The following NAPEPLD variants were observed in gnomAD, a reference collection of about 807,000 sequenced individuals.
NAPEPLD encodes the protein N-acyl phosphatidylethanolamine phospholipase D.
Under a neutral mutation model 38.1 loss-of-function variants are expected in NAPEPLD, and 23 were observed. That is an observed-to-expected ratio of 0.60 (90% CI 0.43 to 0.86). The LOEUF is 0.86. Among genes scored for constraint, NAPEPLD ranks in the 40% least tolerant of loss-of-function variants. The pLI, the probability that NAPEPLD is intolerant of heterozygous loss-of-function variation, is 0.00. For missense variants in NAPEPLD, 411 were observed against 476.8 expected (o/e 0.86, Z 1.28); for synonymous variants, 147 against 162.0 (o/e 0.91, Z 0.71).
At chr7:103,109,268 C>A (rs543166229) in intron 4 of NAPEPLD, among the ~76,000 whole-genome samples, 2 of 152,272 alleles carry the variant, frequency 1.3e-5, no homozygotes, top group East Asian at 1.9e-4. Context: ...CTCTCCACCC[C>A]CAAATCAACA....
intron 1 of NAPEPLD, chr7:103,129,200 G>T (rs1808439438): frequency 1.9e-6 from 1 of 532,500 alleles, no homozygotes; most frequent in African/African-American, 2.0e-5. Context: ...TGGAGGTGGA[G>T]GTTGTGGTGA....
rs926769912 is a variant in NAPEPLD, at chr7:103,115,157, T to C, written c.959A>G (p.Gln320Arg). ...TACAGCTTCTTCTGGGTCTACATGC[T>C]GGTATTTCATAAACCACCTGAAGAA... ...AYEPRWFMKY[Q>R]HVDPEEAVRI... Residue 320 changes from glutamine (Q) to arginine (R), a missense_variant, in exon 4 of 5, where the codon CAG (glutamine) becomes CGG (arginine). Transcript: ENST00000465647. The C allele has an allele frequency of 2.5e-6, 4 of 1,613,156 alleles. No individual in the cohort carries two copies. In the Admixed American group the frequency reaches 5.0e-5, roughly 20 times the overall value.
intron 2 of NAPEPLD, among the ~76,000 whole-genome samples, chr7:103,122,022 G>A (rs1205920101): frequency 1.3e-5 from 2 of 151,926 alleles, no homozygotes; most frequent in Non-Finnish European, 2.9e-5. Context: ...TGAGGGCAGG[G>A]GACAAACTAA....
intron 1 of NAPEPLD, among the ~76,000 whole-genome samples, chr7:103,140,692 G>A (rs1002951411): frequency 3.9e-5 from 6 of 152,010 alleles, no homozygotes; most frequent in South Asian, 2.1e-4. Context: ...ATTCCTACCC[G>A]ACCTCATAGT....
At chr7:103,112,323 G>GT (rs1804690410) in intron 4 of NAPEPLD, among the ~76,000 whole-genome samples, 1 of 152,096 alleles carries the variant, frequency 6.6e-6, no homozygotes, top group African/African-American at 2.4e-5. Flanking sequence ...TTGAGGCACT[G>GT]TTCACAATAG....
At position 103,103,539 on chromosome 7, in the gene NAPEPLD, G is replaced by A. The variant is rs1486448432; in HGVS notation, c.1072C>T (p.Pro358Ser). 6 of 1,586,176 alleles carry A rather than the reference G, an allele frequency of 3.8e-6. No homozygotes were observed. The South Asian group carries it at 5.9e-5, about 16-fold the overall frequency. The change falls in exon 5 of 5, where the codon CCA becomes TCA. Residue 358 changes from proline to serine, a missense_variant. Transcript: ENST00000465647. ...ALANEHYLEPPVKLNEALERY... is the reference protein window; with the variant it reads ...ALANEHYLEPSVKLNEALERY... ...TCTAGAGCTTCATTCAGCTTCACTG[G>A]AGGCTCTAAGTAATGCTGGCCAAAG...
upstream of NAPEPLD, chr7:103,149,221 C>CCGGGCCG: frequency 1.0e-6 from 1 of 997,740 alleles, no homozygotes; most frequent in Non-Finnish European, 1.2e-6. Context: ...ACTCGGGATC[C>CCGGGCCG]CGGGCCGCGG....
chr7:103,141,587 C>A (rs1231797374), intron 1 of NAPEPLD: 10 of 994,872 alleles, frequency 1.0e-5, no homozygotes, highest in Non-Finnish European at 1.6e-5. Context: ...GTGATACATG[C>A]GGCGATCAAT....
rs1813176402 is a variant in NAPEPLD, at chr7:103,148,998, T to G, written c.-204A>C. 1 of 984,796 alleles carries G rather than the reference T, an allele frequency of 1.0e-6. No individual in the cohort carries two copies. Among genetic ancestry groups the G allele is most frequent in the African/African-American group, 1.8e-5 (1 of 57,022 alleles). The allele number at this position is 984,796 out of a possible 1,614,324, so 61.0% of individuals were successfully genotyped here. ...CAAATGAAGCCCTGTCGCTCACAAGTGCGGCATCTCCGAGATGAGGGAGGG... is the reference window on the plus strand; with the variant it reads ...CAAATGAAGCCCTGTCGCTCACAAGGGCGGCATCTCCGAGATGAGGGAGGG... On this transcript the variant is annotated 5_prime_UTR_variant, in exon 1 of 5. Coordinates refer to ENST00000465647, the MANE Select transcript of NAPEPLD (RefSeq NM_001122838.3).
intron 1 of NAPEPLD, among the ~76,000 whole-genome samples, chr7:103,147,042 G>T (rs1197964672): frequency 4.6e-5 from 7 of 152,144 alleles, no homozygotes; most frequent in Non-Finnish European, 1.0e-4. Context: ...ACATAAAACT[G>T]CCCCTGGGGA....
At chr7:103,113,119 C>A (rs1563349084) in intron 4 of NAPEPLD, among the ~76,000 whole-genome samples, 2 of 152,200 alleles carry the variant, frequency 1.3e-5, no homozygotes, top group African/African-American at 4.8e-5. Context: ...ACCATTACTT[C>A]ATCTAAGTCC....
chr7:103,148,401 G>A (rs768717773), intron 1 of NAPEPLD, among the ~76,000 whole-genome samples: 4 of 149,796 alleles, frequency 2.7e-5, no homozygotes, highest in Non-Finnish European at 4.4e-5. Context: ...TATAATGAAT[G>A]CATGTGATCC....
chr7:103,114,517 G>A (rs1041323590), intron 4 of NAPEPLD, among the ~76,000 whole-genome samples: 3 of 152,026 alleles, frequency 2.0e-5, no homozygotes, highest in African/African-American at 7.3e-5. Context: ...AGCTGCCTCC[G>A]AGCCTATGCT....
At chr7:103,133,751 T>C (rs11974839) in intron 1 of NAPEPLD, among the ~76,000 whole-genome samples, 1,691 of 152,328 alleles carry the variant, frequency 0.011, 36 homozygotes, top group African/African-American at 0.039. Flanking sequence ...TATGTAACTG[T>C]TTCCAAAATT....
chr7:103,142,973 CA>C (rs1299444505), intron 1 of NAPEPLD, among the ~76,000 whole-genome samples: 2 of 152,008 alleles, frequency 1.3e-5, no homozygotes, highest in African/African-American at 4.8e-5. Context: ...CCTGTAATCC[CA>C]ACACGTTGGG....
At chr7:103,110,441 A>G (rs1473952648) in intron 4 of NAPEPLD, among the ~76,000 whole-genome samples, 1 of 152,200 alleles carries the variant, frequency 6.6e-6, no homozygotes, top group East Asian at 1.9e-4. Flanking sequence ...TACGCAACTC[A>G]ATAAATGTAA....
At chr7:103,125,472 T>C (rs1807562516) in intron 2 of NAPEPLD, among the ~76,000 whole-genome samples, 2 of 152,216 alleles carry the variant, frequency 1.3e-5, no homozygotes, top group African/African-American at 2.4e-5. Context: ...GTACTTGTAG[T>C]TCTATTTTAT....
chr7:103,125,729 C>T (rs1807617153), intron 2 of NAPEPLD, among the ~76,000 whole-genome samples: 1 of 151,180 alleles, frequency 6.6e-6, no homozygotes, highest in African/African-American at 2.4e-5. Flanking sequence ...ACTAAAAATA[C>T]AAAAAAAATT....
rs1317340801 is a variant in NAPEPLD at position 103,100,300 on chromosome 7, C to T, written c.*3129G>A. On this transcript the variant is annotated 3_prime_UTR_variant, in exon 5 of 5. Coordinates refer to ENST00000465647, the MANE Select transcript of NAPEPLD (RefSeq NM_001122838.3). The stretch of plus-strand genomic sequence containing the variant: ...TTCATTAAATATGAAACTATGCATA[C>T]ATTAAAAACCAGGATTTGTTTTTAA... 1.1e-4 allele frequency: 16 copies of T among 152,156 alleles called. No individual in the cohort carries two copies. The allele number at this position is 152,156 out of a possible 1,614,324, so 9.4% of individuals were successfully genotyped here.
Sources: allele counts gnomAD v4.1 joint callset (sites outside exome capture counted in the v4.1 genomes callset), GRCh38; gene constraint gnomAD v4.1.1; transcripts MANE v1.5; gene names NCBI Gene and HGNC (gene_info 2026-07-23, HGNC 2026-07-21).